FHOD1: variants seen among roughly 807,000 people sequenced by gnomAD.
The protein encoded by FHOD1 is FH1/FH2 domain-containing protein 1.
A neutral mutation model predicts 111.6 loss-of-function variants in FHOD1; 89 were observed. The ratio of observed to expected loss-of-function variants is 0.80; its 90% confidence interval spans 0.67 to 0.95. FHOD1 has a LOEUF of 0.95. Ranked by LOEUF, FHOD1 falls within the 40% of genes least tolerant of loss-of-function variation. FHOD1 has a pLI of 0.00. For missense variants in FHOD1, 1,446 were observed against 1,554.2 expected, an observed-to-expected ratio of 0.93 and a Z score of 1.17; for synonymous variants, 618 against 639.0, an observed-to-expected ratio of 0.97 and a Z score of 0.50.
intron 1 of FHOD1, among the ~76,000 whole-genome samples, chr16:67,245,759 C>CG (rs1159555069): frequency 1.3e-5 from 2 of 151,348 alleles, no homozygotes; most frequent in Admixed American, 6.6e-5. Flanking sequence ...AAAAAAAAAT[C>CG]GGGGGGGTGG....
rs1245201455 is a variant in FHOD1, at chr16:67,231,776, A to G, written c.2246T>C (p.Ile749Thr). The change falls in exon 15 of 22, where the codon ATT becomes ACT. Residue 749 changes from isoleucine to threonine, a missense_variant. By Grantham distance (89) the Ile-to-Thr change is moderately conservative. Coordinates refer to ENST00000258201, the MANE Select transcript of FHOD1 (RefSeq NM_013241.3). This position sits in a 1 kb window ranked among gnomAD's most constrained non-coding sequence, Gnocchi z 4.3. ...MMPTEEERQK[I>T]EEAQLANPDI... is the part of the protein sequence containing the mutation. ...AGGGTTGGCCAGCTGGGCTTCCTCA[A>G]TCTTCTGCCGCTCTTCCTCCGTGGG... The G allele has an allele frequency of 2.5e-6, 4 of 1,613,542 alleles. No homozygotes were observed. The highest frequency in any genetic ancestry group is 3.4e-6 in the Non-Finnish European group (4 of 1,179,844).
rs922908489 is a variant in FHOD1 at position 67,229,786 on chromosome 16, T to C, written c.3412+7A>G. Reference sequence around the variant, plus strand: ...GGTGGGCAGTGGGATTGTGGGGGGTTACTTACAAGACTTGCGGTTGCCGCG... The same window carrying C: ...GGTGGGCAGTGGGATTGTGGGGGGTCACTTACAAGACTTGCGGTTGCCGCG... On this transcript the variant is annotated splice_region_variant and intron_variant, in intron 21 of 21. Transcript: ENST00000258201. 1 of 1,614,066 alleles carries C rather than the reference T, an allele frequency of 6.2e-7. No homozygotes were observed.
In FHOD1 at chr16:67,231,686, G is replaced by A. The variant is rs776011103; in HGVS notation, c.2336C>T (p.Ala779Val). Residue 779 changes from alanine to valine, a missense_variant, in exon 15 of 22, where the codon GCT (alanine) becomes GTT (valine). Ala to Val is a moderately conservative substitution (Grantham distance 64). This residue lies in a region of FHOD1 where 1,085 missense variants were observed against 1,108.8 expected (regional missense o/e 0.98). Coordinates refer to ENST00000258201, the MANE Select transcript of FHOD1 (RefSeq NM_013241.3). This position sits in a 1 kb window ranked among gnomAD's most constrained non-coding sequence, Gnocchi z 4.3. ...CTTGAAGGCCCAGAGTTGTAGACGAGCAGCGAGGCCGCCAATGGAGGCAAG... is the reference window on the plus strand; with the variant it reads ...CTTGAAGGCCCAGAGTTGTAGACGAACAGCGAGGCCGCCAATGGAGGCAAG... Reference protein sequence around the residue: ...MTLASIGGLAARLQLWAFKLD... With the variant: ...MTLASIGGLAVRLQLWAFKLD... 6.2e-7 allele frequency: 1 copy of A among 1,614,200 alleles called. No individual in the cohort carries two copies. The highest frequency in any genetic ancestry group is 8.5e-7 in the Non-Finnish European group (1 of 1,180,046).
Position 67,247,451 on chromosome 16 carries a change from GC to G in FHOD1, c.-42del. On this transcript the variant is annotated 5_prime_UTR_variant, in exon 1 of 22. Coordinates refer to ENST00000258201, the MANE Select transcript of FHOD1 (RefSeq NM_013241.3). ...TCACGCAGCGCGCCTCCGAGTCCCG[GC>G]CCCAGTGCAGCTTCTACTCAAAGCA... 1 of 1,597,732 alleles carries G rather than the reference GC, an allele frequency of 6.3e-7. No homozygotes were observed.
At chr16:67,236,345 A>G in intron 11 of FHOD1, 1 of 1,415,780 alleles carries the variant, frequency 7.1e-7, no homozygotes, top group Non-Finnish European at 9.2e-7. Flanking sequence ...GTCGGAGGAG[A>G]CAAAGGAAAC....
Position 67,229,728 on chromosome 16 carries a change from C to A in FHOD1, c.3413-10G>T. Reference sequence around the variant, plus strand: ...TTCAACGTCCTTCTCACTGCAGGGACAGAGCAGGGTTGGAGGGGGTTGATG... The same window carrying A: ...TTCAACGTCCTTCTCACTGCAGGGAAAGAGCAGGGTTGGAGGGGGTTGATG... On this transcript the variant is annotated splice_polypyrimidine_tract_variant and intron_variant, in intron 21 of 21. Coordinates refer to ENST00000258201, the MANE Select transcript of FHOD1 (RefSeq NM_013241.3). The A allele has an allele frequency of 6.2e-7, 1 of 1,614,156 alleles. No homozygotes were observed. The highest frequency in any genetic ancestry group is 8.5e-7 in the Non-Finnish European group (1 of 1,179,996).
chr16:67,233,438 T>C (rs1259144586), intron 13 of FHOD1, among the ~76,000 whole-genome samples: 1 of 150,296 alleles, frequency 6.7e-6, no homozygotes, highest in Non-Finnish European at 1.5e-5. Context: ...GGTCTCAAAC[T>C]CTTGGATTAC....
chr16:67,234,278 G>A lies in FHOD1; in HGVS notation c.1436-11C>T, dbSNP rs2034395466. The A allele has an allele frequency of 1.3e-6, 2 of 1,578,614 alleles. No individual in the cohort carries two copies. Among genetic ancestry groups the A allele is most frequent in the Middle Eastern group, 1.7e-4 (1 of 5,934 alleles). On this transcript the variant is annotated splice_polypyrimidine_tract_variant and intron_variant, in intron 12 of 21. Coordinates refer to ENST00000258201, the MANE Select transcript of FHOD1 (RefSeq NM_013241.3). ...AGAGTTGCCGGGCATCTAAAGAAAGGGAAGGAGCTGTCAGTGCCATGCCCC... is the reference window on the plus strand; with the variant it reads ...AGAGTTGCCGGGCATCTAAAGAAAGAGAAGGAGCTGTCAGTGCCATGCCCC...
Position 67,232,138 on chromosome 16 carries a change from G to T in FHOD1, c.2103C>A (p.Asn701Lys), listed in dbSNP as rs144361447. 1.9e-6 allele frequency: 3 copies of T among 1,614,208 alleles called. No individual in the cohort carries two copies. The highest frequency in any genetic ancestry group is 2.5e-6 in the Non-Finnish European group (3 of 1,180,034). Residue 701 changes from asparagine (N) to lysine (K), a missense_variant, in exon 14 of 22, where the codon AAC (asparagine) becomes AAA (lysine). Coordinates refer to ENST00000258201, the MANE Select transcript of FHOD1 (RefSeq NM_013241.3). The stretch of plus-strand genomic sequence containing the variant: ...GTGTGGTTAGGCCGATGTTGATGGC[G>T]TTGCTGCGCTTGGGGTCCAGCACTG... ...MTTVLDPKRS[N>K]AINIGLTTLP...
At chr16:67,234,885 A>G (rs1362745234) in intron 11 of FHOD1, 1 of 161,876 alleles carries the variant, frequency 6.2e-6, no homozygotes, top group Non-Finnish European at 1.3e-5. Context: ...CAGCCTCCCA[A>G]GTAGCTGGGA....
Position 67,232,979 on chromosome 16 carries a change from A to G in FHOD1, c.2046+678T>C, listed in dbSNP as rs192813094. 1.8e-3 allele frequency among the ~76,000 whole-genome samples: 276 copies of G among 150,932 alleles called. 5 individuals carry two copies. Among genetic ancestry groups the G allele is most frequent in the Admixed American group, 0.015 (222 of 15,160 alleles). On this transcript the variant is annotated intron_variant, in intron 13 of 21. Coordinates refer to ENST00000258201, the MANE Select transcript of FHOD1 (RefSeq NM_013241.3). Reference sequence around the variant, plus strand: ...ACCATGTTGGCCAGGCTGGTCTCAAACTCCTGGCCTCAAGTAATCTGCCTG... The same window carrying G: ...ACCATGTTGGCCAGGCTGGTCTCAAGCTCCTGGCCTCAAGTAATCTGCCTG...
intron 11 of FHOD1, chr16:67,235,913 C>A (rs927423856): frequency 2.5e-6 from 1 of 395,364 alleles, no homozygotes; most frequent in Admixed American, 6.4e-5. Flanking sequence ...AGGCCTGAGT[C>A]CCCCAGCTTT....
At chr16:67,233,056 TA>T (rs1019266663) in intron 13 of FHOD1, among the ~76,000 whole-genome samples, 12 of 148,470 alleles carry the variant, frequency 8.1e-5, no homozygotes, top group Non-Finnish European at 1.3e-4. Context: ...CATGCCCGGC[TA>T]ATTTTTTTTT....
At chr16:67,230,538 G>A (rs776246617) in intron 18 of FHOD1, 32 bp from the exon 19 acceptor site, 2 of 1,613,722 alleles carry the variant, frequency 1.2e-6, no homozygotes, top group Non-Finnish European at 8.5e-7. Context: ...GGGACAGTAA[G>A]TCCTGCTTAT....
At position 67,229,447 on chromosome 16, in the gene FHOD1, C is replaced by T; in HGVS notation, c.*189G>A. 1.6e-6 allele frequency: 1 copy of T among 620,598 alleles called. No homozygotes were observed. The allele number at this position is 620,598 out of a possible 1,614,324, so 38.4% of individuals were successfully genotyped here. Reference sequence around the variant, plus strand: ...TGCGTTCAAGGAGCTCACACACATGCACATGCATATGCATGCACACACACA... The same window carrying T: ...TGCGTTCAAGGAGCTCACACACATGTACATGCATATGCATGCACACACACA... On this transcript the variant is annotated 3_prime_UTR_variant, in exon 22 of 22. Transcript: ENST00000258201.
intron 11 of FHOD1, among the ~76,000 whole-genome samples, chr16:67,235,397 G>C (rs2034439299): frequency 6.6e-6 from 1 of 152,040 alleles, no homozygotes; most frequent in Non-Finnish European, 1.5e-5. Flanking sequence ...AGGTATCCTG[G>C]TGCAGGCCTA....
In FHOD1 at chr16:67,235,327, C is replaced by T. The variant is rs377504907; in HGVS notation, c.1320-855G>A. Among the ~76,000 whole-genome samples the T allele has an allele frequency of 2.0e-5, 3 of 152,114 alleles. No homozygotes were observed. The South Asian group carries it at 6.2e-4, about 32-fold the overall frequency. ...GGTGGATTACTTGAAGTCAGGAGTTCGAGACCAGCCTGGCCAACATGGTGA... is the reference window on the plus strand; with the variant it reads ...GGTGGATTACTTGAAGTCAGGAGTTTGAGACCAGCCTGGCCAACATGGTGA... On this transcript the variant is annotated intron_variant, in intron 11 of 21. Transcript: ENST00000258201.
chr16:67,239,490 G>A lies in FHOD1; in HGVS notation c.202-36C>T, dbSNP rs762426504. ...AGGGAACAGCTGTGAGACTGAGGAA[G>A]AGGTGGCAGGCGAATGTATGAAGAC... On this transcript the variant is annotated intron_variant, in intron 1 of 21. Transcript: ENST00000258201. The A allele has an allele frequency of 3.9e-6, 6 of 1,526,652 alleles. No individual in the cohort carries two copies. The Admixed American group carries it at 5.0e-5, about 13-fold the overall frequency. 94.6% of individuals were successfully genotyped at this position (1,526,652 alleles called of 1,614,324 possible).
chr16:67,233,978 TG>T lies in FHOD1; in HGVS notation c.1724del (p.Pro575HisfsTer53). ...AGKDIPAPSP[P>X]LPLLSGVPPP... ...GGGGTACTCCCGAGAGCAGGGGCAG[TG>T]GGGGTGAGGGAGCTGGGATGTCTTT... On this transcript the variant is annotated frameshift_variant, in exon 13 of 22. Coordinates refer to ENST00000258201, the MANE Select transcript of FHOD1 (RefSeq NM_013241.3). LOFTEE classifies it high-confidence loss of function. 1 of 1,594,542 alleles carries T rather than the reference TG, an allele frequency of 6.3e-7. No individual in the cohort carries two copies.
Sources: gnomAD v4.1 joint callset for allele counts (sites outside exome capture counted in the v4.1 genomes callset) on GRCh38, gnomAD v4.1.1 for gene constraint, gnomAD v4.1.1 regional missense constraint, Gnocchi (gnomAD v3.1) non-coding constraint, MANE v1.5 for transcripts, NCBI Gene and HGNC (gene_info 2026-07-23, HGNC 2026-07-21) for gene names.